The following STXBP5L variants were observed in gnomAD, a reference collection of about 807,000 sequenced individuals.
STXBP5L encodes the protein syntaxin-binding protein 5-like.
STXBP5L carries 65 observed loss-of-function variants against 144.5 expected under a neutral mutation model. That is an observed-to-expected ratio of 0.45 (90% CI 0.37 to 0.55). STXBP5L has a LOEUF of 0.55. Ranked by LOEUF, STXBP5L falls within the 20% of genes least tolerant of loss-of-function variation. The pLI is 0.00. For synonymous variants in STXBP5L, 505 were observed against 469.6 expected, an observed-to-expected ratio of 1.08 and a Z score of -0.97; for missense variants, 1,298 against 1,405.5, an observed-to-expected ratio of 0.92 and a Z score of 1.22.
chr3:121,192,696 A>G (rs2108173249), intron 9 of STXBP5L, among the ~76,000 whole-genome samples: 1 of 152,308 alleles, frequency 6.6e-6, no homozygotes, highest in Non-Finnish European at 1.5e-5. Flanking sequence ...ATCTTCAACA[A>G]ACCTGACAAA....
chr3:121,139,444 CAATT>C (rs1243052756), intron 7 of STXBP5L, among the ~76,000 whole-genome samples: 3 of 152,066 alleles, frequency 2.0e-5, no homozygotes, highest in Admixed American at 6.5e-5. Flanking sequence ...ACACATGAAA[CAATT>C]AAGGCGGAAT....
intron 3 of STXBP5L, among the ~76,000 whole-genome samples, chr3:121,028,431 T>C (rs893867375): frequency 6.6e-6 from 1 of 152,102 alleles, no homozygotes; most frequent in Non-Finnish European, 1.5e-5. Context: ...GAAATTTTTA[T>C]GTAGGTCTTC....
intron 3 of STXBP5L, among the ~76,000 whole-genome samples, chr3:120,961,266 C>CTTTTTTTTTTT (rs1197589260): frequency 7.2e-6 from 1 of 137,948 alleles, no homozygotes; most frequent in Non-Finnish European, 1.6e-5. Context: ...TTTAGTCTTT[C>CTTTTTTTTTTT]TTTTTTTGTT....
chr3:121,008,970 G>A (rs956687619), intron 3 of STXBP5L, among the ~76,000 whole-genome samples: 2 of 151,696 alleles, frequency 1.3e-5, no homozygotes, highest in Non-Finnish European at 2.9e-5. Flanking sequence ...ATCTTTTGAG[G>A]AATGATATCA....
At chr3:120,913,443 C>G (rs1393122621) in intron 2 of STXBP5L, among the ~76,000 whole-genome samples, 1 of 151,914 alleles carries the variant, frequency 6.6e-6, no homozygotes. Flanking sequence ...ACTTGATACA[C>G]TTTAAATGAG....
At chr3:121,300,708 G>A (rs1226547575) in intron 19 of STXBP5L, among the ~76,000 whole-genome samples, 1 of 151,588 alleles carries the variant, frequency 6.6e-6, no homozygotes. Context: ...TCAAAAGACA[G>A]AAAAGAGTAA....
chr3:121,128,387 T>C (rs754216260), intron 7 of STXBP5L, among the ~76,000 whole-genome samples: 10 of 152,142 alleles, frequency 6.6e-5, no homozygotes, highest in Non-Finnish European at 1.0e-4. Flanking sequence ...GAATGTATTA[T>C]GTTTGTTCTG....
chr3:121,211,632 G>C (rs2048572182), intron 10 of STXBP5L, among the ~76,000 whole-genome samples: 1 of 131,680 alleles, frequency 7.6e-6, no homozygotes, highest in African/African-American at 2.9e-5. Flanking sequence ...AGGCTGGAGT[G>C]CAGTGGCGTG....
intron 19 of STXBP5L, among the ~76,000 whole-genome samples, chr3:121,299,035 A>G (rs781349109): frequency 5.3e-5 from 8 of 152,182 alleles, no homozygotes; most frequent in Non-Finnish European, 7.4e-5. Flanking sequence ...CCAACACAAC[A>G]GCATATTTTC....
intron 7 of STXBP5L, among the ~76,000 whole-genome samples, chr3:121,142,187 G>T (rs988718260): frequency 1.3e-5 from 2 of 151,508 alleles, no homozygotes; most frequent in African/African-American, 2.4e-5. Context: ...CAATAAAAAG[G>T]TCTATCCACC....
At chr3:121,075,226 A>G (rs527350565) in intron 5 of STXBP5L, among the ~76,000 whole-genome samples, 48 of 152,184 alleles carry the variant, frequency 3.2e-4, no homozygotes, top group African/African-American at 1.1e-3. Flanking sequence ...CTCTCTGGAC[A>G]TTCATTCCTC....
At chr3:121,350,171 C>T (rs1388810983) in intron 20 of STXBP5L, among the ~76,000 whole-genome samples, 5 of 152,148 alleles carry the variant, frequency 3.3e-5, no homozygotes, top group Non-Finnish European at 7.3e-5. Flanking sequence ...CAAAATGTCT[C>T]AGCATTTACT....
intron 9 of STXBP5L, among the ~76,000 whole-genome samples, chr3:121,198,284 A>T (rs2048001067): frequency 6.6e-6 from 1 of 152,056 alleles, no homozygotes; most frequent in Admixed American, 6.6e-5. Context: ...AGCTGCATAA[A>T]TGTCTTTTGA....
chr3:121,237,020 G>A lies in STXBP5L; in HGVS notation c.1185-1951G>A, dbSNP rs543638808. ...CATCCTGGGAACATTGGTGCAAGGG[G>A]TGGGCTCCCAAGGCCTTGGCAGTCC... On this transcript the variant is annotated intron_variant, in intron 12 of 26. Transcript: ENST00000471454. Among the ~76,000 whole-genome samples the A allele has an allele frequency of 2.0e-5, 3 of 152,324 alleles. No individual in the cohort carries two copies. The East Asian group carries it at 5.8e-4, about 29-fold the overall frequency.
At chr3:121,218,579 C>T (rs1224479997) in intron 10 of STXBP5L, among the ~76,000 whole-genome samples, 1 of 151,616 alleles carries the variant, frequency 6.6e-6, no homozygotes, top group African/African-American at 2.4e-5. Flanking sequence ...AAAAGAGCAC[C>T]TAACCCAGCC....
At chr3:121,284,961 T>C (rs968345641) in intron 19 of STXBP5L, among the ~76,000 whole-genome samples, 2 of 152,098 alleles carry the variant, frequency 1.3e-5, no homozygotes, top group African/African-American at 4.8e-5. Flanking sequence ...TATCCTACAA[T>C]TGCTTTTCAA....
chr3:121,112,076 C>G lies in STXBP5L; in HGVS notation c.471-2849C>G, dbSNP rs923164546. On this transcript the variant is annotated intron_variant, in intron 5 of 26. Transcript: ENST00000471454. ...TGAGTCCAAACCGCTCAGTCTCCCTCGCACCAGCAGGGAAAAAGTGGCAGA... is the reference window on the plus strand; with the variant it reads ...TGAGTCCAAACCGCTCAGTCTCCCTGGCACCAGCAGGGAAAAAGTGGCAGA... Among the ~76,000 whole-genome samples, 17 of 152,108 alleles carry G rather than the reference C, an allele frequency of 1.1e-4. 1 individual carries two copies.
At chr3:121,356,545 A>G (rs1400758234) in intron 20 of STXBP5L, among the ~76,000 whole-genome samples, 1 of 152,226 alleles carries the variant, frequency 6.6e-6, no homozygotes, top group East Asian at 1.9e-4. Flanking sequence ...AGACTTTGGG[A>G]AAAGTACAGT....
chr3:121,027,680 C>T (rs768890980), intron 3 of STXBP5L, among the ~76,000 whole-genome samples: 2 of 151,916 alleles, frequency 1.3e-5, no homozygotes, highest in Admixed American at 6.6e-5. Context: ...CTTGTAGTTA[C>T]GGTGAGCCCA....
Sources: allele counts gnomAD v4.1 joint callset (sites outside exome capture counted in the v4.1 genomes callset), GRCh38; gene constraint gnomAD v4.1.1; transcripts MANE v1.5; gene names NCBI Gene and HGNC (gene_info 2026-07-23, HGNC 2026-07-21).